ANK2: variants seen among roughly 807,000 people sequenced by gnomAD.
ANK2 encodes ankyrin 2.
ANK2 carries 83 observed loss-of-function variants against 360.5 expected under a neutral mutation model. The observed-to-expected ratio is 0.23, with a 90% CI of 0.19 to 0.28. The LOEUF (loss-of-function observed/expected upper bound fraction) is 0.28. Ranked by LOEUF, ANK2 falls within the 10% of genes least tolerant of loss-of-function variation. The pLI, the probability that ANK2 is intolerant of heterozygous loss-of-function variation, is 1.00. For synonymous variants in ANK2, 1,740 were observed against 1,759.5 expected (o/e 0.99, Z 0.28); for missense variants, 4,201 against 4,795.7 (o/e 0.88, Z 3.66).
chr4:112,894,206 A>G (rs1263127165), intron 1 of ANK2, among the ~76,000 whole-genome samples: 1 of 152,058 alleles, frequency 6.6e-6, no homozygotes, highest in African/African-American at 2.4e-5. Context: ...AGCACTTACT[A>G]TGGGCTAGGC....
At chr4:113,269,137 A>C (rs930661406) in intron 14 of ANK2, among the ~76,000 whole-genome samples, 5 of 152,134 alleles carry the variant, frequency 3.3e-5, no homozygotes, top group African/African-American at 1.2e-4. Context: ...ACCACGCTGG[A>C]GCCTCCCAGA....
intron 34 of ANK2, 105 bp from the exon 35 acceptor site, chr4:113,345,795 T>C (rs2094780731): frequency 2.1e-6 from 3 of 1,439,862 alleles, no homozygotes; most frequent in Non-Finnish European, 1.9e-6. Flanking sequence ...AGTTCTTACC[T>C]AGCAGTAACA....
intron 2 of ANK2, among the ~76,000 whole-genome samples, chr4:113,024,600 C>T (rs545359561): frequency 9.2e-5 from 14 of 152,240 alleles, no homozygotes; most frequent in African/African-American, 3.4e-4. Context: ...AGGATAATTG[C>T]AAAGTACTTA....
At chr4:112,739,185 A>G in the ANK2 span, 2 of 355,054 alleles carry the variant, frequency 5.6e-6, no homozygotes, top group Non-Finnish European at 1.1e-5. Context: ...AAAAACTCCT[A>G]CATTCTAGAA....
intron 1 of ANK2, among the ~76,000 whole-genome samples, chr4:113,134,281 CTTTTTTTTTTTTT>C (rs5861124): frequency 9.4e-4 from 81 of 86,096 alleles, no homozygotes; most frequent in African/African-American, 2.7e-3. Context: ...TGAAAGTTGT[CTTTTTTTTTTTTT>C]TTTTTTTTTT....
At chr4:112,799,245 G>A in the ANK2 span, among the ~76,000 whole-genome samples, 18 of 152,232 alleles carry the variant, frequency 1.2e-4, 1 homozygote, top group South Asian at 3.7e-3. Flanking sequence ...TTGCTTCAAT[G>A]GGCAAATGGC....
intron 2 of ANK2, among the ~76,000 whole-genome samples, chr4:113,000,782 A>T (rs1237856456): frequency 6.6e-6 from 1 of 152,154 alleles, no homozygotes; most frequent in Non-Finnish European, 1.5e-5. Context: ...CTTCATGTGG[A>T]TCCTTGTCAT....
intron 10 of ANK2, among the ~76,000 whole-genome samples, chr4:113,250,996 C>T (rs191450060): frequency 8.2e-4 from 125 of 152,160 alleles, no homozygotes; most frequent in African/African-American, 2.7e-3. Flanking sequence ...TAATTATCCG[C>T]GTTACTTTTA....
At chr4:113,153,619 A>G (rs1041909938) in intron 1 of ANK2, among the ~76,000 whole-genome samples, 17 of 152,340 alleles carry the variant, frequency 1.1e-4, no homozygotes, top group African/African-American at 4.1e-4. Flanking sequence ...TTCTTACAGC[A>G]TACATTTTGA....
chr4:112,850,821 G>A (rs1351981444), intron 1 of ANK2, among the ~76,000 whole-genome samples: 1 of 151,844 alleles, frequency 6.6e-6, no homozygotes, highest in East Asian at 1.9e-4. Flanking sequence ...TGACCTTCCT[G>A]TGCTAATCTT....
chr4:113,344,054 C>A (rs1340315224), intron 34 of ANK2, among the ~76,000 whole-genome samples: 2 of 152,142 alleles, frequency 1.3e-5, no homozygotes, highest in Admixed American at 1.3e-4. Context: ...TTCATTGTGC[C>A]ATTTCTGGTT....
intron 2 of ANK2, among the ~76,000 whole-genome samples, chr4:112,953,137 C>CA (rs2095133625): frequency 6.6e-6 from 1 of 152,166 alleles, no homozygotes; most frequent in African/African-American, 2.4e-5. Context: ...TAAGTGGGGA[C>CA]ACTGGGGTTC....
intron 41 of ANK2, among the ~76,000 whole-genome samples, chr4:113,365,602 C>A (rs1240086552): frequency 6.6e-6 from 1 of 151,978 alleles, no homozygotes; most frequent in Non-Finnish European, 1.5e-5. Flanking sequence ...CAGCCATTGG[C>A]CTTACCACCT....
At chr4:112,811,641 T>C in the ANK2 span, among the ~76,000 whole-genome samples, 1 of 152,218 alleles carries the variant, frequency 6.6e-6, no homozygotes, top group African/African-American at 2.4e-5. Flanking sequence ...TTATACTCAA[T>C]GCTGTTGGCA....
At chr4:113,184,880 C>G (rs533804568) in intron 2 of ANK2, among the ~76,000 whole-genome samples, 1 of 152,060 alleles carries the variant, frequency 6.6e-6, no homozygotes, top group African/African-American at 2.4e-5. Flanking sequence ...CCCAACAGGC[C>G]CCGGTGTGTG....
the ANK2 span, among the ~76,000 whole-genome samples, chr4:112,805,336 A>G: frequency 1.7e-3 from 263 of 152,360 alleles, 2 homozygotes; most frequent in South Asian, 6.8e-3. Flanking sequence ...ATGAGAGGAA[A>G]CCAGAAGTAT....
rs769177007 is a variant in ANK2, at chr4:113,358,939, C to T, written c.10321C>T (p.Arg3441Ter). 6.2e-7 allele frequency: 1 copy of T among 1,613,824 alleles called. No homozygotes were observed. Among genetic ancestry groups the T allele is most frequent in the South Asian group, 1.1e-5 (1 of 91,066 alleles). ...CACAAGACCAAAGATACTTACATCCCGATTGCCAGTTAAGAGCAGAAGCAC... is the reference window on the plus strand; with the variant it reads ...CACAAGACCAAAGATACTTACATCCTGATTGCCAGTTAAGAGCAGAAGCAC... ...GATRPKILTS[R>*]LPVKSRSTTS... The change falls in exon 38 of 46, where the codon CGA becomes TGA. Residue 3441 changes from arginine to a stop codon, truncating the protein, a stop_gained. Coordinates refer to ENST00000357077, the MANE Select transcript of ANK2 (RefSeq NM_001148.6). LOFTEE classifies it high-confidence loss of function.
chr4:112,888,595 G>C (rs1055266481), intron 1 of ANK2, among the ~76,000 whole-genome samples: 12 of 151,586 alleles, frequency 7.9e-5, no homozygotes, highest in African/African-American at 2.9e-4. Flanking sequence ...TCTACATAGA[G>C]AGAGTCATGT....
chr4:112,857,540 G>C (rs989152186), intron 1 of ANK2, among the ~76,000 whole-genome samples: 1 of 152,156 alleles, frequency 6.6e-6, no homozygotes, highest in Non-Finnish European at 1.5e-5. Flanking sequence ...AAATTTACAA[G>C]AGCATACTTG....
Sources: allele counts gnomAD v4.1 joint callset (sites outside exome capture counted in the v4.1 genomes callset), GRCh38; gene constraint gnomAD v4.1.1; transcripts MANE v1.5; gene names NCBI Gene and HGNC (gene_info 2026-07-23, HGNC 2026-07-21).